Variants in DACH1 observed in about 807,000 individuals in gnomAD.
The protein encoded by DACH1 is dachshund homolog 1.
DACH1 carries 12 observed loss-of-function variants against 54.2 expected under a neutral mutation model. That is an observed-to-expected ratio of 0.22 (90% CI 0.14 to 0.36). The LOEUF is 0.36. Among genes scored for constraint, DACH1 ranks in the 10% least tolerant of loss-of-function variants. The pLI, the probability that DACH1 is intolerant of heterozygous loss-of-function variation, is 1.00. For synonymous variants in DACH1, 386 were observed against 366.2 expected (o/e 1.05, Z -0.62); for missense variants, 805 against 929.8 (o/e 0.87, Z 1.75).
chr13:71,776,972 C>G (rs997128708), intron 1 of DACH1, among the ~76,000 whole-genome samples: 7 of 152,152 alleles, frequency 4.6e-5, no homozygotes, highest in Non-Finnish European at 1.0e-4. Flanking sequence ...ATGCAAACAT[C>G]TGATAAGCAT....
Position 71,475,846 on chromosome 13 carries a change from A to G in DACH1, c.1874T>C (p.Ile625Thr). ...CTCCTTCTTTAGCCTCTTTTGAACTATGGCTAAAAAAGAGTGTATGCATAT... is the reference window on the plus strand; with the variant it reads ...CTCCTTCTTTAGCCTCTTTTGAACTGTGGCTAAAAAAGAGTGTATGCATAT... ...QLAMEQKNRA[I>T]VQKRLKKEKK... Residue 625 changes from isoleucine (I) to threonine (T), a missense_variant, in exon 9 of 11, where the codon ATA (isoleucine) becomes ACA (threonine). Coordinates refer to ENST00000613252, the MANE Select transcript of DACH1 (RefSeq NM_080759.6). 6.2e-7 allele frequency: 1 copy of G among 1,604,384 alleles called. No individual in the cohort carries two copies. The highest frequency in any genetic ancestry group is 8.5e-7 in the Non-Finnish European group (1 of 1,176,648).
chr13:71,659,398 A>G (rs1156811838), intron 2 of DACH1, among the ~76,000 whole-genome samples: 1 of 152,190 alleles, frequency 6.6e-6, no homozygotes, highest in East Asian at 1.9e-4. Context: ...AAGTAATTAT[A>G]CCACTGTATT....
At chr13:71,861,537 T>A (rs1874352986) in intron 1 of DACH1, among the ~76,000 whole-genome samples, 1 of 151,976 alleles carries the variant, frequency 6.6e-6, no homozygotes, top group Non-Finnish European at 1.5e-5. Context: ...GTTATTAAAG[T>A]GTAATTTGCT....
intron 1 of DACH1, among the ~76,000 whole-genome samples, chr13:71,717,792 A>G (rs1420991979): frequency 6.6e-6 from 1 of 152,034 alleles, no homozygotes; most frequent in Non-Finnish European, 1.5e-5. Flanking sequence ...GACTTGCCAT[A>G]TTCATCATAA....
At chr13:71,815,537 T>C (rs1482721727) in intron 1 of DACH1, among the ~76,000 whole-genome samples, 1 of 152,174 alleles carries the variant, frequency 6.6e-6, no homozygotes, top group Non-Finnish European at 1.5e-5. Context: ...TTTCAGAATT[T>C]AAAATAATTG....
chr13:71,572,392 GT>G (rs1885268533), intron 4 of DACH1, among the ~76,000 whole-genome samples: 1 of 151,934 alleles, frequency 6.6e-6, no homozygotes, highest in Non-Finnish European at 1.5e-5. Context: ...ACTTCATTTA[GT>G]TTTTACAACA....
intron 1 of DACH1, among the ~76,000 whole-genome samples, chr13:71,767,100 T>C (rs542928782): frequency 6.6e-6 from 1 of 152,128 alleles, no homozygotes; most frequent in East Asian, 1.9e-4. Context: ...TACTTAGTCA[T>C]TGGCAAATTA....
intron 1 of DACH1, among the ~76,000 whole-genome samples, chr13:71,722,078 T>C (rs1883253917): frequency 6.6e-6 from 1 of 152,208 alleles, no homozygotes; most frequent in African/African-American, 2.4e-5. Context: ...TAATATTCCT[T>C]AGCAGTATAC....
intron 1 of DACH1, among the ~76,000 whole-genome samples, chr13:71,862,088 T>C (rs1248917665): frequency 6.6e-6 from 1 of 151,914 alleles, no homozygotes; most frequent in Non-Finnish European, 1.5e-5. Flanking sequence ...AAAAAATATA[T>C]AAGACTAACT....
intron 1 of DACH1, among the ~76,000 whole-genome samples, chr13:71,783,508 T>C (rs1349586760): frequency 6.6e-6 from 1 of 152,158 alleles, no homozygotes; most frequent in African/African-American, 2.4e-5. Context: ...TATAGGATGA[T>C]TGAGTTAATT....
intron 3 of DACH1, among the ~76,000 whole-genome samples, chr13:71,582,999 A>G (rs1477334957): frequency 2.6e-5 from 4 of 152,214 alleles, no homozygotes; most frequent in Non-Finnish European, 5.9e-5. Flanking sequence ...TTGCCATGAC[A>G]ATGAGAGTTA....
At chr13:71,544,124 A>G (rs1883314723) in intron 6 of DACH1, among the ~76,000 whole-genome samples, 1 of 152,168 alleles carries the variant, frequency 6.6e-6, no homozygotes, top group Non-Finnish European at 1.5e-5. Context: ...TTACCACTAA[A>G]GCACTCAACT....
At chr13:71,691,479 T>G (rs1189697946) in intron 1 of DACH1, among the ~76,000 whole-genome samples, 2 of 152,212 alleles carry the variant, frequency 1.3e-5, no homozygotes, top group African/African-American at 4.8e-5. Flanking sequence ...TAAAATGACT[T>G]ACCTAATATC....
chr13:71,623,183 C>T (rs1000601373), intron 3 of DACH1, among the ~76,000 whole-genome samples: 1 of 151,338 alleles, frequency 6.6e-6, no homozygotes, highest in Non-Finnish European at 1.5e-5. Flanking sequence ...CCACAGTCAC[C>T]TGTTGCCATC....
chr13:71,688,247 TA>T (rs1367313557), intron 1 of DACH1, among the ~76,000 whole-genome samples: 4 of 152,226 alleles, frequency 2.6e-5, no homozygotes, highest in Non-Finnish European at 4.4e-5. Flanking sequence ...TTCCTAAGAT[TA>T]ATGTATGTAT....
intron 1 of DACH1, among the ~76,000 whole-genome samples, chr13:71,820,415 G>A (rs1041206923): frequency 6.6e-6 from 1 of 152,272 alleles, no homozygotes; most frequent in South Asian, 2.1e-4. Context: ...AATTTCCAAA[G>A]ATGCCACAGA....
intron 4 of DACH1, among the ~76,000 whole-genome samples, chr13:71,561,111 G>A (rs1334641330): frequency 2.0e-5 from 3 of 152,140 alleles, no homozygotes; most frequent in African/African-American, 7.2e-5. Flanking sequence ...CAGTGAGAAT[G>A]ATGATCGTGC....
chr13:71,796,217 C>T (rs1366044445), intron 1 of DACH1, among the ~76,000 whole-genome samples: 3 of 152,008 alleles, frequency 2.0e-5, no homozygotes, highest in Admixed American at 1.3e-4. Context: ...AATAATAGTG[C>T]TTGTTCTTTT....
chr13:71,563,671 T>C (rs1356059107), intron 4 of DACH1, among the ~76,000 whole-genome samples: 1 of 151,774 alleles, frequency 6.6e-6, no homozygotes. Context: ...TAAAAATAAA[T>C]TAGATTGAAA....
Sources: gnomAD v4.1 joint callset for allele counts (sites outside exome capture counted in the v4.1 genomes callset) on GRCh38, gnomAD v4.1.1 for gene constraint, MANE v1.5 for transcripts, NCBI Gene and HGNC (gene_info 2026-07-23, HGNC 2026-07-21) for gene names.